SLC24A2: variants seen among roughly 807,000 people sequenced by gnomAD.
The protein encoded by SLC24A2 is solute carrier family 24 member 2.
Under a neutral mutation model 62.0 loss-of-function variants are expected in SLC24A2, and 36 were observed. The observed-to-expected ratio is 0.58, with a 90% CI of 0.44 to 0.77. The LOEUF (loss-of-function observed/expected upper bound fraction) is 0.77. Among genes scored for constraint, SLC24A2 ranks in the 30% least tolerant of loss-of-function variants. The pLI is 0.00. For synonymous variants in SLC24A2, 358 were observed against 294.0 expected (o/e 1.22, Z -2.23); for missense variants, 846 against 817.9 (o/e 1.03, Z -0.42).
chr9:19,769,907 A>G (rs182417052), intron 2 of SLC24A2, among the ~76,000 whole-genome samples: 1 of 152,112 alleles, frequency 6.6e-6, no homozygotes, highest in East Asian at 2.0e-4. Context: ...CAGTGCAGGG[A>G]GCCTTTTAAA....
chr9:19,698,666 G>C (rs1479682600), intron 2 of SLC24A2, among the ~76,000 whole-genome samples: 1 of 152,134 alleles, frequency 6.6e-6, no homozygotes, highest in African/African-American at 2.4e-5. Flanking sequence ...GATATAAAGA[G>C]AAACAAAAGA....
chr9:20,041,157 C>CGCGCGTGCGCGCGTGCGCACGTGT, the SLC24A2 span, among the ~76,000 whole-genome samples: 6 of 151,702 alleles, frequency 4.0e-5, no homozygotes, highest in African/African-American at 1.5e-4. Flanking sequence ...TGTACGCGTG[C>CGCGCGTGCGCGCGTGCGCACGTGT]GCGCGTGCGC....
the SLC24A2 span, among the ~76,000 whole-genome samples, chr9:20,163,790 A>C: frequency 6.6e-6 from 1 of 152,180 alleles, no homozygotes; most frequent in Non-Finnish European, 1.5e-5. Context: ...AGAGATATAG[A>C]CCAATGGAAC....
chr9:20,157,802 CCT>C, the SLC24A2 span, among the ~76,000 whole-genome samples: 1 of 151,524 alleles, frequency 6.6e-6, no homozygotes, highest in South Asian at 2.1e-4. Context: ...CACCCCTCTC[CCT>C]GTTTCCATCA....
the SLC24A2 span, among the ~76,000 whole-genome samples, chr9:20,238,323 G>A: frequency 6.6e-6 from 1 of 152,138 alleles, no homozygotes; most frequent in Non-Finnish European, 1.5e-5. Flanking sequence ...CTTTTGCACA[G>A]TAAAGCCAAA....
chr9:20,301,882 C>T, the SLC24A2 span, among the ~76,000 whole-genome samples: 1 of 152,058 alleles, frequency 6.6e-6, no homozygotes, highest in Non-Finnish European at 1.5e-5. Context: ...CCCTAAAACC[C>T]CTCTGTACTC....
At chr9:20,198,628 T>C in the SLC24A2 span, among the ~76,000 whole-genome samples, 2 of 152,142 alleles carry the variant, frequency 1.3e-5, no homozygotes, top group African/African-American at 2.4e-5. Context: ...AGGCAATTTG[T>C]GGAACACATG....
intron 2 of SLC24A2, among the ~76,000 whole-genome samples, chr9:19,715,677 T>C (rs574698273): frequency 3.9e-5 from 6 of 152,334 alleles, no homozygotes; most frequent in African/African-American, 1.4e-4. Flanking sequence ...AGGCACACCA[T>C]TACATGCTCC....
the SLC24A2 span, among the ~76,000 whole-genome samples, chr9:19,971,800 G>A: frequency 9.2e-5 from 14 of 152,124 alleles, no homozygotes; most frequent in African/African-American, 2.9e-4. Flanking sequence ...GACACCAACT[G>A]AGCAGGTTGC....
intron 8 of SLC24A2, among the ~76,000 whole-genome samples, chr9:19,545,656 T>TG (rs1834526582): frequency 6.6e-6 from 1 of 152,008 alleles, no homozygotes; most frequent in African/African-American, 2.4e-5. Flanking sequence ...CTTTTTTTTT[T>TG]GTGACAGAGT....
chr9:20,226,974 T>C, the SLC24A2 span, among the ~76,000 whole-genome samples: 1 of 152,338 alleles, frequency 6.6e-6, no homozygotes, highest in East Asian at 1.9e-4. Flanking sequence ...AAGAACAAAC[T>C]TGAATAGCTG....
At chr9:20,209,794 T>G in the SLC24A2 span, among the ~76,000 whole-genome samples, 472 of 152,272 alleles carry the variant, frequency 3.1e-3, 2 homozygotes, top group African/African-American at 0.011. Flanking sequence ...TAATCCACAG[T>G]GGAACAGGAA....
the SLC24A2 span, among the ~76,000 whole-genome samples, chr9:19,905,135 A>T: frequency 2.0e-5 from 3 of 152,174 alleles, no homozygotes; most frequent in Non-Finnish European, 4.4e-5. Context: ...GAGAGGTGTC[A>T]TTCAGGATCT....
the SLC24A2 span, among the ~76,000 whole-genome samples, chr9:19,975,057 C>A: frequency 6.6e-6 from 1 of 152,104 alleles, no homozygotes; most frequent in African/African-American, 2.4e-5. Flanking sequence ...AAAACTGGGT[C>A]ACATGGTCAT....
rs376575565 is a variant in SLC24A2, at chr9:19,572,807, T to C, written c.1347+544A>G. 5.9e-5 allele frequency among the ~76,000 whole-genome samples: 9 copies of C among 152,192 alleles called. No individual in the cohort carries two copies. In the East Asian group the frequency reaches 7.7e-4, roughly 13 times the overall value. On this transcript the variant is annotated intron_variant, in intron 7 of 10. Coordinates refer to ENST00000341998, the MANE Select transcript of SLC24A2 (RefSeq NM_020344.4). ...CTGAAAAGTTCAAGTGGTTGTGCCATTGAATAATGGGTTGGGCCAGAGAGT... is the reference window on the plus strand; with the variant it reads ...CTGAAAAGTTCAAGTGGTTGTGCCACTGAATAATGGGTTGGGCCAGAGAGT...
intron 2 of SLC24A2, among the ~76,000 whole-genome samples, chr9:19,697,557 G>C (rs1401993929): frequency 1.3e-5 from 2 of 152,090 alleles, no homozygotes; most frequent in Non-Finnish European, 2.9e-5. Context: ...ATAAATAAGT[G>C]ATACAAAAAA....
At chr9:19,566,311 A>G (rs1397019926) in intron 7 of SLC24A2, among the ~76,000 whole-genome samples, 3 of 150,332 alleles carry the variant, frequency 2.0e-5, no homozygotes, top group Admixed American at 2.0e-4. Context: ...GGATATGAAC[A>G]GACACTTCTC....
At chr9:19,823,863 C>T in the SLC24A2 span, among the ~76,000 whole-genome samples, 1 of 152,136 alleles carries the variant, frequency 6.6e-6, no homozygotes. Context: ...TCAGAAATAA[C>T]ACCACACATC....
At chr9:19,892,696 G>A in the SLC24A2 span, among the ~76,000 whole-genome samples, 1 of 150,020 alleles carries the variant, frequency 6.7e-6, no homozygotes, top group Non-Finnish European at 1.5e-5. Context: ...TGGATCAACT[G>A]TTGTTTTTTT....
Sources: gnomAD v4.1 joint callset for allele counts (sites outside exome capture counted in the v4.1 genomes callset) on GRCh38, gnomAD v4.1.1 for gene constraint, MANE v1.5 for transcripts, NCBI Gene and HGNC (gene_info 2026-07-23, HGNC 2026-07-21) for gene names.